Variants in PREP observed in about 807,000 individuals in gnomAD.
PREP encodes the protein dJ355L5.1 (prolyl endopeptidase).
A neutral mutation model predicts 87.6 loss-of-function variants in PREP; 29 were observed. The ratio of observed to expected loss-of-function variants is 0.33; its 90% CI spans 0.25 to 0.45. The LOEUF (loss-of-function observed/expected upper bound fraction) is 0.45. PREP is among the 20% of genes least tolerant of loss of function. The pLI, the probability that PREP is intolerant of heterozygous loss-of-function variation, is 1.00. For synonymous variants in PREP, 337 were observed against 328.6 expected (o/e 1.03, Z -0.28); for missense variants, 695 against 886.5 (o/e 0.78, Z 2.74).
At chr6:105,281,691 G>C in intron 14 of PREP, 55 bp downstream of exon 14, 1 of 1,571,424 alleles carries the variant, frequency 6.4e-7, no homozygotes, top group Non-Finnish European at 8.7e-7. Context: ...TGCTGTGACT[G>C]TGTTCAACTT....
At chr6:105,370,636 G>A in intron 5 of PREP, among the ~76,000 whole-genome samples, 1 of 152,150 alleles carries the variant, frequency 6.6e-6, no homozygotes, top group Non-Finnish European at 1.5e-5. Context: ...CATTCTTTCA[G>A]TAGGTGAATG....
chr6:105,290,628 T>C (rs1770281082), intron 10 of PREP, among the ~76,000 whole-genome samples: 2 of 151,858 alleles, frequency 1.3e-5, no homozygotes, highest in South Asian at 4.2e-4. Context: ...TTCATGACAA[T>C]TCAACTTCCT....
In PREP at chr6:105,397,790, T is replaced by G. The variant is rs1224375044; in HGVS notation, c.120+63A>C. 8 of 1,271,454 alleles carry G rather than the reference T, an allele frequency of 6.3e-6. No individual in the cohort carries two copies. The South Asian group carries it at 8.4e-5, about 13-fold the overall frequency. 78.8% of individuals were successfully genotyped at this position (1,271,454 alleles called of 1,614,324 possible). ...ACCAGAAAGGAAAAGCTATAGTTACTGACATTTAGAGTTTGGTGCTAGCTA... is the reference window on the plus strand; with the variant it reads ...ACCAGAAAGGAAAAGCTATAGTTACGGACATTTAGAGTTTGGTGCTAGCTA... On this transcript the variant is annotated intron_variant, in intron 2 of 14. Transcript: ENST00000652536.
chr6:105,376,657 T>C lies in PREP; in HGVS notation c.255-402A>G, dbSNP rs564417296. 2.4e-4 allele frequency among the ~76,000 whole-genome samples: 36 copies of C among 152,348 alleles called. 1 individual carries two copies. In the South Asian group the frequency reaches 7.2e-3, roughly 31 times the overall value. ...GCTAGGGTGGAAGGTCAGTACACTT[T>C]CTCTGTAAAGGGCAAGACTGCAAAT... On this transcript the variant is annotated intron_variant, in intron 3 of 14. Coordinates refer to ENST00000652536, the MANE Select transcript of PREP (RefSeq NM_002726.5).
intron 2 of PREP, among the ~76,000 whole-genome samples, chr6:105,384,060 A>G (rs1772920864): frequency 6.6e-6 from 1 of 152,232 alleles, no homozygotes; most frequent in Admixed American, 6.5e-5. Context: ...GGGATGTGGC[A>G]AACACTGTTG....
chr6:105,322,504 T>C (rs564504029), intron 10 of PREP: 2 of 985,586 alleles, frequency 2.0e-6, no homozygotes, highest in Non-Finnish European at 2.4e-6. Context: ...CTCGGCCCTG[T>C]ATGTCTATCA....
At chr6:105,289,907 C>T (rs899724595) in intron 10 of PREP, among the ~76,000 whole-genome samples, 8 of 151,948 alleles carry the variant, frequency 5.3e-5, no homozygotes, top group East Asian at 1.9e-4. Flanking sequence ...AGTTCTGTTG[C>T]GCAAAGTTGC....
At chr6:105,340,267 C>G (rs1449806018) in intron 7 of PREP, among the ~76,000 whole-genome samples, 2 of 152,072 alleles carry the variant, frequency 1.3e-5, no homozygotes, top group Non-Finnish European at 2.9e-5. Context: ...AATTTTCAAC[C>G]CAGAATTTCA....
intron 10 of PREP, among the ~76,000 whole-genome samples, chr6:105,318,239 G>C (rs575300206): frequency 6.6e-6 from 1 of 152,224 alleles, no homozygotes; most frequent in East Asian, 1.9e-4. Context: ...AACCGAGTGT[G>C]AGTATGTTTT....
chr6:105,285,068 CTT>C (rs1357159467), intron 12 of PREP, among the ~76,000 whole-genome samples: 1 of 152,164 alleles, frequency 6.6e-6, no homozygotes, highest in Non-Finnish European at 1.5e-5. Context: ...GCTCCTTTCT[CTT>C]AAGAGAAAAT....
At chr6:105,343,939 C>T (rs1771730056) in intron 7 of PREP, among the ~76,000 whole-genome samples, 1 of 152,166 alleles carries the variant, frequency 6.6e-6, no homozygotes. Flanking sequence ...TAAACTAGTT[C>T]AACCATTGTG....
intron 2 of PREP, among the ~76,000 whole-genome samples, chr6:105,384,894 C>T (rs976355321): frequency 6.6e-6 from 1 of 152,212 alleles, no homozygotes; most frequent in African/African-American, 2.4e-5. Flanking sequence ...ACCACATGCA[C>T]TCCTGGATCA....
At chr6:105,311,077 C>A (rs1344702572) in intron 10 of PREP, among the ~76,000 whole-genome samples, 1 of 152,178 alleles carries the variant, frequency 6.6e-6, no homozygotes. Flanking sequence ...ATATTCCAAA[C>A]TCACCAGCCC....
At position 105,282,557 on chromosome 6, in the gene PREP, G is replaced by C; in HGVS notation, c.1575C>G (p.Asn525Lys). The C allele has an allele frequency of 1.9e-6, 3 of 1,614,078 alleles. No homozygotes were observed. Among genetic ancestry groups the C allele is most frequent in the Non-Finnish European group, 2.5e-6 (3 of 1,179,988 alleles). ...HKGGILANKQNCFDDFQCAAE... is the reference protein window; with the variant it reads ...HKGGILANKQKCFDDFQCAAE... Reference sequence around the variant, plus strand: ...CAGCACACTGAAAGTCATCAAAGCAGTTTTGTTTGTTGGCCAAGATACCAC... The same window carrying C: ...CAGCACACTGAAAGTCATCAAAGCACTTTTGTTTGTTGGCCAAGATACCAC... The change falls in exon 13 of 15, where the codon AAC (asparagine) becomes AAG (lysine). Residue 525 changes from asparagine (N) to lysine (K), a missense_variant. Asn to Lys is a moderately conservative substitution (Grantham distance 94, BLOSUM62 0). Around this residue, in one of 5 missense-constraint regions of PREP, gnomAD observed 35 missense variants for 36.0 expected, o/e 0.97. Transcript: ENST00000652536.
At chr6:105,343,170 C>T (rs951693708) in intron 7 of PREP, among the ~76,000 whole-genome samples, 1 of 152,040 alleles carries the variant, frequency 6.6e-6, no homozygotes, top group Admixed American at 6.5e-5. Context: ...TACTGGTACC[C>T]AAACAGAGAT....
chr6:105,352,867 TG>T, intron 7 of PREP, 104 bp downstream of exon 7: 1 of 952,710 alleles, frequency 1.0e-6, no homozygotes, highest in Non-Finnish European at 1.6e-6. Context: ...TGACATGATG[TG>T]GTAGAATGGA....
chr6:105,311,785 A>C (rs1041219640), intron 10 of PREP, among the ~76,000 whole-genome samples: 3 of 152,230 alleles, frequency 2.0e-5, no homozygotes, highest in Non-Finnish European at 4.4e-5. Context: ...CCACCCATCA[A>C]TGCTGACAGA....
chr6:105,400,265 T>C (rs547359303), intron 1 of PREP, among the ~76,000 whole-genome samples: 49 of 152,354 alleles, frequency 3.2e-4, no homozygotes, highest in Admixed American at 1.2e-3. Context: ...GGTACTGTAC[T>C]ACTTAATCCT....
chr6:105,386,893 T>C (rs924685164), intron 2 of PREP, among the ~76,000 whole-genome samples: 5 of 152,102 alleles, frequency 3.3e-5, no homozygotes, highest in African/African-American at 1.2e-4. Flanking sequence ...GATGGTGAAT[T>C]AGGCACCTAA....
Sources: gnomAD v4.1 joint callset for allele counts (sites outside exome capture counted in the v4.1 genomes callset) on GRCh38, gnomAD v4.1.1 for gene constraint, gnomAD v4.1.1 regional missense constraint, MANE v1.5 for transcripts, NCBI Gene and HGNC (gene_info 2026-07-23, HGNC 2026-07-21) for gene names.